IFFO1: variants seen among roughly 807,000 people sequenced by gnomAD.
IFFO1 encodes the protein intermediate filament family orphan 1, also known as non-homologous end joining factor IFFO1.
A neutral mutation model predicts 59.6 loss-of-function variants in IFFO1; 42 were observed. The ratio of observed to expected loss-of-function variants is 0.70; its 90% CI spans 0.55 to 0.91. The LOEUF (loss-of-function observed/expected upper bound fraction) is 0.91. Among genes scored for constraint, IFFO1 ranks in the 40% least tolerant of loss-of-function variants. The pLI is 0.00. For synonymous variants in IFFO1, 336 were observed against 342.8 expected (o/e 0.98, Z 0.22); for missense variants, 711 against 793.2 (o/e 0.90, Z 1.24).
chr12:6,547,965 G>T, intron 8 of IFFO1, 100 bp downstream of exon 8: 2 of 854,484 alleles, frequency 2.3e-6, no homozygotes, highest in Non-Finnish European at 4.0e-6. Context: ...CCAAGACCTT[G>T]GTCTCTAGGG....
Position 6,541,576 on chromosome 12 carries a change from T to C in IFFO1, c.1546A>G (p.Met516Val), listed in dbSNP as rs756832719. The part of the protein sequence containing the change: ...HLHEYMEMCS[M>V]KRGLDVQMET... The stretch of plus-strand genomic sequence containing the variant: ...ATCTGCACGTCCAGGCCGCGCTTCA[T>C]GCTGCACATCTCCATGTACTCGTGC... Residue 516 changes from methionine (M) to valine (V), a missense_variant, in exon 9 of 10, where the codon ATG becomes GTG. This residue lies in a region of IFFO1 where 579 missense variants were observed against 650.3 expected (regional missense o/e 0.89). Coordinates refer to ENST00000619571, the MANE Select transcript of IFFO1 (RefSeq NM_001193457.2). The surrounding 1 kb of genome is among the most constrained non-coding windows in gnomAD (Gnocchi z 4.8). The C allele has an allele frequency of 1.3e-4, 217 of 1,614,114 alleles. No individual in the cohort carries two copies. Among genetic ancestry groups the C allele is most frequent in the Non-Finnish European group, 1.8e-4 (210 of 1,180,046 alleles).
Position 6,549,388 on chromosome 12 carries a change from C to T in IFFO1, c.1080+88G>A. 7.2e-7 allele frequency: 1 copy of T among 1,397,142 alleles called. No homozygotes were observed. Among genetic ancestry groups the T allele is most frequent in the Non-Finnish European group, 1.0e-6 (1 of 990,772 alleles). The allele number at this position is 1,397,142 out of a possible 1,614,324, so 86.5% of individuals were successfully genotyped here. The stretch of plus-strand genomic sequence containing the variant: ...AGAAAAAAATCCGTGCTCAAGAGCC[C>T]AGCGGGCCCAAACTGAGGGCCAGGA... On this transcript the variant is annotated intron_variant, in intron 5 of 9. Transcript: ENST00000619571. This position sits in a 1 kb window ranked among gnomAD's most constrained non-coding sequence, Gnocchi z 5.0.
chr12:6,549,959 G>T lies in IFFO1; in HGVS notation c.931-63C>A. 1.3e-6 allele frequency: 2 copies of T among 1,537,860 alleles called. No homozygotes were observed. The highest frequency in any genetic ancestry group is 1.8e-6 in the Non-Finnish European group (2 of 1,133,092). ...AGTTCTCCAGACAAGGACGAATTAGGCCTGGCAAGGTCCTCATCCTTCCCA... is the reference window on the plus strand; with the variant it reads ...AGTTCTCCAGACAAGGACGAATTAGTCCTGGCAAGGTCCTCATCCTTCCCA... On this transcript the variant is annotated intron_variant, in intron 3 of 9. Coordinates refer to ENST00000619571, the MANE Select transcript of IFFO1 (RefSeq NM_001193457.2). The surrounding 1 kb of genome is among the most constrained non-coding windows in gnomAD (Gnocchi z 5.0).
chr12:6,552,865 C>A (rs561111605), intron 1 of IFFO1, among the ~76,000 whole-genome samples: 1 of 152,308 alleles, frequency 6.6e-6, no homozygotes, highest in Admixed American at 6.5e-5. Flanking sequence ...TCCATCTGGT[C>A]TCACTTATAA....
At chr12:6,552,877 G>T (rs993539345) in intron 1 of IFFO1, among the ~76,000 whole-genome samples, 1 of 152,128 alleles carries the variant, frequency 6.6e-6, no homozygotes, top group Non-Finnish European at 1.5e-5. Flanking sequence ...CACTTATAAG[G>T]TTCCCTTAAC....
intron 1 of IFFO1, among the ~76,000 whole-genome samples, chr12:6,554,702 T>C (rs1486113897): frequency 6.6e-6 from 1 of 152,220 alleles, no homozygotes; most frequent in Non-Finnish European, 1.5e-5. Flanking sequence ...CCCAGTTTGT[T>C]GACCTACTCA....
chr12:6,548,609 C>T lies in IFFO1; in HGVS notation c.1262+59G>A. Reference sequence around the variant, plus strand: ...CTCGTCCTGGCGGGGGACTGGGGAGCTCCGGCCTCCTGGGCTGCTGTGGCG... The same window carrying T: ...CTCGTCCTGGCGGGGGACTGGGGAGTTCCGGCCTCCTGGGCTGCTGTGGCG... On this transcript the variant is annotated intron_variant, in intron 6 of 9. Coordinates refer to ENST00000619571, the MANE Select transcript of IFFO1 (RefSeq NM_001193457.2). The surrounding 1 kb of genome is among the most constrained non-coding windows in gnomAD (Gnocchi z 6.1). 10 of 1,613,672 alleles carry T rather than the reference C, an allele frequency of 6.2e-6. No individual in the cohort carries two copies. Among genetic ancestry groups the T allele is most frequent in the Non-Finnish European group, 8.5e-6 (10 of 1,179,750 alleles).
chr12:6,545,098 C>G (rs895975384), intron 8 of IFFO1, among the ~76,000 whole-genome samples: 10 of 151,796 alleles, frequency 6.6e-5, no homozygotes, highest in African/African-American at 2.4e-4. Context: ...GCCTGTAGTC[C>G]CAGCTACTCT....
chr12:6,551,776 A>T (rs1429662074), intron 1 of IFFO1: 1 of 328,324 alleles, frequency 3.0e-6, no homozygotes. Flanking sequence ...AGAACTAGAC[A>T]CAGCCTGTTC....
At chr12:6,542,747 G>A (rs568139264) in intron 8 of IFFO1, among the ~76,000 whole-genome samples, 1 of 152,326 alleles carries the variant, frequency 6.6e-6, no homozygotes, top group South Asian at 2.1e-4. Flanking sequence ...AGGACACGGT[G>A]ACTGTTCAAC....
At chr12:6,544,457 C>G (rs1268402075) in intron 8 of IFFO1, among the ~76,000 whole-genome samples, 1 of 152,162 alleles carries the variant, frequency 6.6e-6, no homozygotes, top group South Asian at 2.1e-4. Flanking sequence ...GCGAGAGCCA[C>G]CACGCCCAGC....
At position 6,545,342 on chromosome 12, in the gene IFFO1, TC is replaced by T. The variant is rs1386763323; in HGVS notation, c.1479+2722del. Among the ~76,000 whole-genome samples the T allele has an allele frequency of 4.6e-5, 7 of 152,314 alleles. No individual in the cohort carries two copies. In the East Asian group the frequency reaches 1.2e-3, roughly 25 times the overall value. On this transcript the variant is annotated intron_variant, in intron 8 of 9. Coordinates refer to ENST00000619571, the MANE Select transcript of IFFO1 (RefSeq NM_001193457.2). ...GATCTGAAAATATTAAATGAAATAT[TC>T]CAGAAATAAACAATTCCTAAGTTTT...
intron 1 of IFFO1, chr12:6,551,415 C>T (rs553495934): frequency 1.8e-5 from 23 of 1,300,474 alleles, no homozygotes; most frequent in Admixed American, 6.8e-5. Context: ...CGCACAGATC[C>T]GGGCTCCCGC....
rs1452347063 is a variant in IFFO1 at position 6,539,671 on chromosome 12, T to C, written c.*812A>G. On this transcript the variant is annotated 3_prime_UTR_variant, in exon 10 of 10. Coordinates refer to ENST00000619571, the MANE Select transcript of IFFO1 (RefSeq NM_001193457.2). ...TCCAAGAATCAGGGACACTGTAGCC[T>C]GTTGGTCTCAGTGTATGACAGACAC... is the stretch of plus-strand genomic sequence containing the variant. 1 of 152,280 alleles carries C rather than the reference T, an allele frequency of 6.6e-6. No homozygotes were observed. The highest frequency in any genetic ancestry group is 2.4e-5 in the African/African-American group (1 of 41,458). 9.4% of individuals were successfully genotyped at this position (152,280 alleles called of 1,614,324 possible).
chr12:6,550,895 G>A (rs909717559), intron 2 of IFFO1, 46 bp downstream of exon 2: 1 of 1,608,912 alleles, frequency 6.2e-7, no homozygotes, highest in African/African-American at 1.3e-5. Flanking sequence ...TGGGCAGACA[G>A]GGGTACCCAG....
intron 1 of IFFO1, among the ~76,000 whole-genome samples, chr12:6,552,584 G>A (rs191084154): frequency 6.6e-6 from 1 of 152,284 alleles, no homozygotes; most frequent in East Asian, 1.9e-4. Flanking sequence ...CATGCGCCGG[G>A]AGCCCACGAG....
Position 6,548,970 on chromosome 12 carries a change from C to CA in IFFO1, c.1081-122dup. 1.2e-6 allele frequency: 1 copy of CA among 820,486 alleles called. No individual in the cohort carries two copies. Among genetic ancestry groups the CA allele is most frequent in the East Asian group, 2.7e-5 (1 of 37,344 alleles). The allele number at this position is 820,486 out of a possible 1,614,324, so 50.8% of individuals were successfully genotyped here. On this transcript the variant is annotated intron_variant, in intron 5 of 9. Coordinates refer to ENST00000619571, the MANE Select transcript of IFFO1 (RefSeq NM_001193457.2). The surrounding 1 kb of genome is among the most constrained non-coding windows in gnomAD (Gnocchi z 6.1). ...AGGGGGGGCAGACAGAGAGAAAAGT[C>CA]ACAGTTACAATGACAGGAACAGAAA... is the stretch of plus-strand genomic sequence containing the variant.
At chr12:6,542,881 G>A (rs372133887) in intron 8 of IFFO1, among the ~76,000 whole-genome samples, 5 of 152,312 alleles carry the variant, frequency 3.3e-5, no homozygotes, top group African/African-American at 1.2e-4. Flanking sequence ...AGGGAGACTG[G>A]GAAGAAGGAA....
chr12:6,555,018 A>T lies in IFFO1; in HGVS notation c.773+239T>A, dbSNP rs893098336. Among the ~76,000 whole-genome samples, 12 of 152,220 alleles carry T rather than the reference A, an allele frequency of 7.9e-5. No individual in the cohort carries two copies. The highest frequency in any genetic ancestry group is 1.2e-4 in the Non-Finnish European group (8 of 68,032). On this transcript the variant is annotated intron_variant, in intron 1 of 9. Transcript: ENST00000619571. This position sits in a 1 kb window ranked among gnomAD's most constrained non-coding sequence, Gnocchi z 8.6. ...AGCCTGGATGGCAGAGACAAGCCGGAAAAGTAGGAATCCCCCCGTGTTCCG... is the reference window on the plus strand; with the variant it reads ...AGCCTGGATGGCAGAGACAAGCCGGTAAAGTAGGAATCCCCCCGTGTTCCG...
Sources: gnomAD v4.1 joint callset for allele counts (sites outside exome capture counted in the v4.1 genomes callset) on GRCh38, gnomAD v4.1.1 for gene constraint, gnomAD v4.1.1 regional missense constraint, Gnocchi (gnomAD v3.1) non-coding constraint, MANE v1.5 for transcripts, NCBI Gene and HGNC (gene_info 2026-07-23, HGNC 2026-07-21) for gene names.